The following PCDHGB1 variants were observed in gnomAD, a reference collection of about 807,000 sequenced individuals.
PCDHGB1 encodes the protein protocadherin gamma subfamily B, 1, also known as protocadherin gamma-B1.
PCDHGB1 carries 34 observed loss-of-function variants against 56.6 expected under a neutral mutation model. The observed-to-expected ratio is 0.60, with a 90% CI of 0.46 to 0.80. The LOEUF (loss-of-function observed/expected upper bound fraction) is 0.80. Ranked by LOEUF, PCDHGB1 falls within the 30% of genes least tolerant of loss-of-function variation. The probability of loss-of-function intolerance (pLI) is 0.00; values close to 1 mark genes in which losing one functional copy is unlikely to be tolerated. For synonymous variants in PCDHGB1, 561 were observed against 505.9 expected (o/e 1.11, Z -1.46); for missense variants, 1,278 against 1,204.6 (o/e 1.06, Z -0.90).
intron 1 of PCDHGB1, chr5:141,414,951 G>A (rs1411406878): frequency 5.6e-6 from 9 of 1,614,092 alleles, no homozygotes; most frequent in Non-Finnish European, 7.6e-6. Flanking sequence ...GCTACCTGGT[G>A]ACCAAGGTGG....
At position 141,408,867 on chromosome 5, in the gene PCDHGB1, G is replaced by T. The variant is rs376342658; in HGVS notation, c.2409+56198G>T. 5.5e-5 allele frequency: 88 copies of T among 1,613,574 alleles called. No homozygotes were observed. The highest frequency in any genetic ancestry group is 6.8e-5 in the Non-Finnish European group (80 of 1,179,830). ...GCCTTGGACGGAGGGGACCCACCAA[G>T]AAGTGCCACCGCTCACATAGAAATT... On this transcript the variant is annotated intron_variant, in intron 1 of 3. Transcript: ENST00000523390.
In PCDHGB1 at chr5:141,350,974, G is replaced by A. The variant is rs776132463; in HGVS notation, c.714G>A (p.Val238=). Residue 238 remains valine, a synonymous_variant, in exon 1 of 4, where the codon GTG becomes GTA. Coordinates refer to ENST00000523390, the MANE Select transcript of PCDHGB1 (RefSeq NM_018922.3). ...RVTDANDNAP[V]FSQEVYRVSL... ...CGGATGCCAATGATAATGCTCCCGT[G>A]TTTAGCCAGGAGGTATACAGGGTTA... The A allele has an allele frequency of 9.9e-6, 16 of 1,614,096 alleles. No homozygotes were observed. The highest frequency in any genetic ancestry group is 1.4e-5 in the Non-Finnish European group (16 of 1,179,908).
At position 141,432,436 on chromosome 5, in the gene PCDHGB1, G is replaced by C; in HGVS notation, c.2410-62371G>C. ...TCGTGCTGGACCAGAACGACAATGC[G>C]CCCGAGATCCTGTACCCCGCCCTCC... On this transcript the variant is annotated intron_variant, in intron 1 of 3. Transcript: ENST00000523390. This position sits in a 1 kb window ranked among gnomAD's most constrained non-coding sequence, Gnocchi z 6.0. 1 of 1,614,196 alleles carries C rather than the reference G, an allele frequency of 6.2e-7. No individual in the cohort carries two copies. Among genetic ancestry groups the C allele is most frequent in the Middle Eastern group, 1.6e-4 (1 of 6,062 alleles).
intron 1 of PCDHGB1, chr5:141,360,457 A>T (rs780037606): frequency 1.2e-6 from 2 of 1,613,970 alleles, no homozygotes; most frequent in Non-Finnish European, 1.7e-6. Flanking sequence ...GGATTTCGAT[A>T]CTGTCGCTGA....
At chr5:141,389,681 C>G in intron 1 of PCDHGB1, 5 of 1,612,438 alleles carry the variant, frequency 3.1e-6, no homozygotes, top group Non-Finnish European at 4.2e-6. Context: ...CAGGACACAA[C>G]GCCTGGCTGT....
At chr5:141,405,881 T>C (rs998587989) in intron 1 of PCDHGB1, among the ~76,000 whole-genome samples, 4 of 152,210 alleles carry the variant, frequency 2.6e-5, no homozygotes, top group Admixed American at 2.6e-4. Flanking sequence ...GGCCTAATTG[T>C]TGCTCCAACA....
intron 1 of PCDHGB1, chr5:141,414,424 G>C (rs762669763): frequency 1.2e-6 from 2 of 1,613,846 alleles, no homozygotes; most frequent in Non-Finnish European, 1.7e-6. Context: ...CCTTGACAGG[G>C]AACAGGTATC....
At chr5:141,444,492 T>C (rs1052885639) in intron 1 of PCDHGB1, among the ~76,000 whole-genome samples, 1 of 152,122 alleles carries the variant, frequency 6.6e-6, no homozygotes, top group East Asian at 1.9e-4. Context: ...TTATATTGTG[T>C]AATACTTTGC....
chr5:141,399,346 GACCGAGAGCAA>G, intron 1 of PCDHGB1: 1 of 1,613,890 alleles, frequency 6.2e-7, no homozygotes, highest in Non-Finnish European at 8.5e-7. Flanking sequence ...TGGAACCCTA[GACCGAGAGCAA>G]ACCCCGGAGT....
chr5:141,430,433 T>C (rs1371764261), intron 1 of PCDHGB1, among the ~76,000 whole-genome samples: 2 of 151,080 alleles, frequency 1.3e-5, no homozygotes, highest in Admixed American at 6.6e-5. Context: ...ATACGGTAGA[T>C]TTCCATCCCC....
intron 1 of PCDHGB1, chr5:141,408,371 A>C (rs2095092452): frequency 6.2e-7 from 1 of 1,613,848 alleles, no homozygotes; most frequent in Non-Finnish European, 8.5e-7. Flanking sequence ...TCTAGGGCTC[A>C]GTGTCCTGGA....
chr5:141,384,450 G>T (rs756281053), intron 1 of PCDHGB1: 1 of 1,614,042 alleles, frequency 6.2e-7, no homozygotes, highest in South Asian at 1.1e-5. Context: ...TGTACGCGCT[G>T]CAATCCTTTG....
chr5:141,410,760 A>C, intron 1 of PCDHGB1: 1 of 1,177,482 alleles, frequency 8.5e-7, no homozygotes. Context: ...ATGTTTTTTC[A>C]ATTATAGTTT....
rs556415227 is a variant in PCDHGB1, at chr5:141,476,903, G to A, written c.2410-17904G>A. ...GGAGGATGCACCCTCCGGCACGCGC[G>A]TGGTACAAGTCCTTGCAACGGATCT... On this transcript the variant is annotated intron_variant, in intron 1 of 3. Transcript: ENST00000523390. This position sits in a 1 kb window ranked among gnomAD's most constrained non-coding sequence, Gnocchi z 7.6. The A allele has an allele frequency of 1.4e-5, 22 of 1,614,018 alleles. No homozygotes were observed. In the African/African-American group the frequency reaches 1.7e-4, roughly 13 times the overall value.
rs1408248560 is a variant in PCDHGB1 at position 141,475,829 on chromosome 5, G to C, written c.2410-18978G>C. On this transcript the variant is annotated intron_variant, in intron 1 of 3. Coordinates refer to ENST00000523390, the MANE Select transcript of PCDHGB1 (RefSeq NM_018922.3). ...AAAGTGAAGTTCCTGGCGCTAGCGC[G>C]TGTCCTGCTCAGAGAGCCCGGCGCT... The C allele has an allele frequency of 1.0e-5, 4 of 386,748 alleles. No individual in the cohort carries two copies. In the South Asian group the frequency reaches 1.4e-4, roughly 14 times the overall value. The allele number at this position is 386,748 out of a possible 1,614,324, so 24.0% of individuals were successfully genotyped here. A position where few individuals can be genotyped will look rare whatever the true frequency, so the allele number is the denominator to read the frequency against.
At chr5:141,362,612 G>T (rs774081313) in intron 1 of PCDHGB1, 1 of 1,553,624 alleles carries the variant, frequency 6.4e-7, no homozygotes, top group Admixed American at 1.9e-5. Flanking sequence ...CCTAATTTGG[G>T]TAGGAAGTTC....
At chr5:141,393,259 G>A in intron 1 of PCDHGB1, 1 of 1,613,874 alleles carries the variant, frequency 6.2e-7, no homozygotes, top group Non-Finnish European at 8.5e-7. Context: ...GCGGTTCCTG[G>A]AGCACGTTAT....
chr5:141,408,972 C>T, intron 1 of PCDHGB1: 8 of 1,613,870 alleles, frequency 5.0e-6, no homozygotes, highest in Non-Finnish European at 5.9e-6. Flanking sequence ...AATCTGCCCC[C>T]TGGGTCCCCT....
chr5:141,384,614 C>T, intron 1 of PCDHGB1: 1 of 1,614,222 alleles, frequency 6.2e-7, no homozygotes, highest in Non-Finnish European at 8.5e-7. Context: ...ACAGATGGTT[C>T]TACTGGCATG....
Sources: gnomAD v4.1 joint callset for allele counts (sites outside exome capture counted in the v4.1 genomes callset) on GRCh38, gnomAD v4.1.1 for gene constraint, Gnocchi (gnomAD v3.1) non-coding constraint, MANE v1.5 for transcripts, NCBI Gene and HGNC (gene_info 2026-07-23, HGNC 2026-07-21) for gene names.